Variants in SAP30BP observed in about 807,000 individuals in gnomAD.
The protein encoded by SAP30BP is SAP30-binding protein.
Under a neutral mutation model 46.3 loss-of-function variants are expected in SAP30BP, and 31 were observed. The observed-to-expected ratio is 0.67, with a 90% CI of 0.50 to 0.90. The LOEUF is 0.90. Among genes scored for constraint, SAP30BP ranks in the 40% least tolerant of loss-of-function variants. The probability of loss-of-function intolerance (pLI) is 0.00; values close to 1 mark genes in which losing one functional copy is unlikely to be tolerated. For synonymous variants in SAP30BP, 169 were observed against 144.2 expected, an observed-to-expected ratio of 1.17 and a Z score of -1.23; for missense variants, 312 against 391.0, an observed-to-expected ratio of 0.80 and a Z score of 1.70.
At chr17:75,703,526 C>G (rs924318286) in intron 7 of SAP30BP, 155 bp downstream of exon 7, 2 of 686,512 alleles carry the variant, frequency 2.9e-6, no homozygotes, top group Non-Finnish European at 5.0e-6. Flanking sequence ...CCCTATTGTT[C>G]TGAAATAGTC....
intron 3 of SAP30BP, among the ~76,000 whole-genome samples, chr17:75,689,482 G>A (rs528065313): frequency 6.6e-6 from 1 of 152,278 alleles, no homozygotes; most frequent in East Asian, 1.9e-4. Context: ...TTTCCTAGGT[G>A]AGGTGCTTTG....
chr17:75,675,731 G>A (rs561250401), intron 3 of SAP30BP, among the ~76,000 whole-genome samples: 1 of 152,118 alleles, frequency 6.6e-6, no homozygotes, highest in South Asian at 2.1e-4. Context: ...CCTGGACAAC[G>A]TGATAAAACC....
At chr17:75,691,398 G>A (rs369884513) in intron 3 of SAP30BP, 52 of 456,062 alleles carry the variant, frequency 1.1e-4, no homozygotes, top group Non-Finnish European at 1.8e-4. Flanking sequence ...TTCCAGAGAC[G>A]TGACTCAACA....
At chr17:75,667,866 G>C (rs1042347310) in intron 1 of SAP30BP, among the ~76,000 whole-genome samples, 1 of 152,214 alleles carries the variant, frequency 6.6e-6, no homozygotes, top group African/African-American at 2.4e-5. Context: ...CTTTTAGTTA[G>C]GAATGTGCCC....
intron 3 of SAP30BP, among the ~76,000 whole-genome samples, chr17:75,682,480 G>A (rs933700887): frequency 6.6e-6 from 1 of 151,952 alleles, no homozygotes; most frequent in Non-Finnish European, 1.5e-5. Context: ...CTGGGATTAC[G>A]GGTGCAAGCC....
intron 2 of SAP30BP, 94 bp from the exon 3 acceptor site, chr17:75,671,722 T>C: frequency 1.1e-6 from 1 of 925,090 alleles, no homozygotes; most frequent in East Asian, 2.4e-5. Context: ...CCCAGCTGGG[T>C]AAATGGGCTG....
At chr17:75,688,506 G>A (rs1023554148) in intron 3 of SAP30BP, among the ~76,000 whole-genome samples, 9 of 151,952 alleles carry the variant, frequency 5.9e-5, no homozygotes, top group African/African-American at 2.2e-4. Flanking sequence ...CGCTACTCCC[G>A]AAGCTGGAAA....
At chr17:75,690,705 C>T in intron 3 of SAP30BP, 1 of 456,706 alleles carries the variant, frequency 2.2e-6, no homozygotes, top group South Asian at 1.5e-5. Flanking sequence ...GCACCCAGGG[C>T]TCAGCAAGCT....
At chr17:75,702,413 G>C in intron 5 of SAP30BP, 67 bp from the exon 6 acceptor site, 1 of 650,894 alleles carries the variant, frequency 1.5e-6, no homozygotes, top group Admixed American at 2.4e-5. Context: ...TGGTGACCAG[G>C]GGCTGGGACG....
At chr17:75,682,983 T>C (rs1228044714) in intron 3 of SAP30BP, among the ~76,000 whole-genome samples, 1 of 148,842 alleles carries the variant, frequency 6.7e-6, no homozygotes, top group East Asian at 2.0e-4. Flanking sequence ...AAAAAAAGAA[T>C]TGTATGGTAT....
intron 3 of SAP30BP, among the ~76,000 whole-genome samples, chr17:75,672,510 G>A (rs1180543031): frequency 6.6e-6 from 1 of 152,140 alleles, no homozygotes; most frequent in East Asian, 1.9e-4. Flanking sequence ...CCTTGTGTTG[G>A]TTAAGCTGCT....
At chr17:75,689,318 T>C (rs2060208991) in intron 3 of SAP30BP, among the ~76,000 whole-genome samples, 1 of 152,006 alleles carries the variant, frequency 6.6e-6, no homozygotes, top group Admixed American at 6.6e-5. Context: ...GGTTTTACCA[T>C]GTTGTCCAGG....
chr17:75,674,701 T>TG (rs1568300330), intron 3 of SAP30BP, among the ~76,000 whole-genome samples: 5 of 49,786 alleles, frequency 1.0e-4, no homozygotes, highest in Non-Finnish European at 2.4e-4. Flanking sequence ...TTTTTTGTTT[T>TG]TTTTTTTTTT....
chr17:75,694,942 C>T (rs758987952), intron 4 of SAP30BP, among the ~76,000 whole-genome samples: 3 of 152,160 alleles, frequency 2.0e-5, no homozygotes, highest in African/African-American at 7.2e-5. Flanking sequence ...GCCAATTTTA[C>T]GTGTGCCATT....
chr17:75,700,824 G>A (rs759538926), intron 5 of SAP30BP, among the ~76,000 whole-genome samples: 1 of 152,196 alleles, frequency 6.6e-6, no homozygotes, highest in African/African-American at 2.4e-5. Context: ...AGAGACAAAC[G>A]GCGCACAGCA....
At position 75,689,218 on chromosome 17, in the gene SAP30BP, G is replaced by A. The variant is rs2060207295; in HGVS notation, c.265-4222G>A. On this transcript the variant is annotated intron_variant, in intron 3 of 10. Coordinates refer to ENST00000584667, the MANE Select transcript of SAP30BP (RefSeq NM_013260.8). ...GGCTGGAGTGCAGTGGCGCAATCTC[G>A]GCTCACTGCAACCTCCACCTCTCAA... Among the ~76,000 whole-genome samples, 6 of 149,060 alleles carry A rather than the reference G, an allele frequency of 4.0e-5. No individual in the cohort carries two copies. The South Asian group carries it at 6.4e-4, about 16-fold the overall frequency.
At chr17:75,698,544 G>A (rs1212558732) in intron 4 of SAP30BP, among the ~76,000 whole-genome samples, 1 of 150,734 alleles carries the variant, frequency 6.6e-6, no homozygotes, top group Non-Finnish European at 1.5e-5. Context: ...CATATGCAGT[G>A]GTGGCTGGAG....
intron 3 of SAP30BP, chr17:75,692,384 C>T: frequency 1.0e-6 from 1 of 985,492 alleles, no homozygotes. Context: ...CCTCACTCAT[C>T]AGCAGGAAAA....
rs2060135360 is a variant in SAP30BP, at chr17:75,684,966, GAAC to G, written c.265-8471_265-8469del. On this transcript the variant is annotated intron_variant, in intron 3 of 10. Transcript: ENST00000584667. ...GGAAGTTGTGATCTCATGCAAAGGG[GAAC>G]AATGACCATTATTCTCCCTCTGACC... Among the ~76,000 whole-genome samples, 3 of 152,234 alleles carry G rather than the reference GAAC, an allele frequency of 2.0e-5. No individual in the cohort carries two copies. In the South Asian group the frequency reaches 6.2e-4, roughly 32 times the overall value.
Sources: gnomAD v4.1 joint callset for allele counts (sites outside exome capture counted in the v4.1 genomes callset) on GRCh38, gnomAD v4.1.1 for gene constraint, MANE v1.5 for transcripts, NCBI Gene and HGNC (gene_info 2026-07-23, HGNC 2026-07-21) for gene names.